UMOD: variants seen among roughly 807,000 people sequenced by gnomAD.
The protein encoded by UMOD is uromodulin.
Under a neutral mutation model 66.0 loss-of-function variants are expected in UMOD, and 64 were observed. That is an observed-to-expected ratio of 0.97 (90% CI 0.79 to 1.19). The LOEUF (loss-of-function observed/expected upper bound fraction) is 1.19, where lower values mean the gene tolerates loss of function less well. UMOD is among the 50% of genes most tolerant of loss of function. UMOD has a pLI of 0.00. For synonymous variants in UMOD, 398 were observed against 352.7 expected, an observed-to-expected ratio of 1.13 and a Z score of -1.44; for missense variants, 764 against 850.9, an observed-to-expected ratio of 0.90 and a Z score of 1.27.
rs559897230 is a variant in UMOD, at chr16:20,349,733, T to C, written c.89-521A>G. 6.2e-5 allele frequency: 95 copies of C among 1,537,292 alleles called. No individual in the cohort carries two copies. In the African/African-American group the frequency reaches 1.2e-3, roughly 19 times the overall value. On this transcript the variant is annotated intron_variant, in intron 2 of 10. Transcript: ENST00000396138. ...TTTGGTAGGATTTACGGTGAACCTG[T>C]TGCCCCTCCCTTTCTTTGCACATTT...
intron 1 of UMOD, chr16:20,351,151 G>T: frequency 7.8e-6 from 2 of 256,404 alleles, no homozygotes; most frequent in African/African-American, 2.2e-5. Context: ...AGGCAGCTTT[G>T]GATTTTAACT....
intron 7 of UMOD, among the ~76,000 whole-genome samples, chr16:20,340,493 T>TAA (rs1555485837): frequency 3.3e-4 from 31 of 92,544 alleles, no homozygotes; most frequent in African/African-American, 9.3e-4. Context: ...TATATATATA[T>TAA]AATACATAAA....
intron 6 of UMOD, 25 bp downstream of exon 6, chr16:20,343,998 GC>G (rs765213754): frequency 6.2e-7 from 1 of 1,612,456 alleles, no homozygotes. Context: ...CCATCTAGGG[GC>G]CCTAGGGACC....
At chr16:20,351,072 G>T (rs1965867912) in intron 1 of UMOD, 1 of 379,764 alleles carries the variant, frequency 2.6e-6, no homozygotes, top group African/African-American at 2.1e-5. Context: ...TGCACATTTT[G>T]AAGAACTCAG....
chr16:20,344,340 C>T (rs902291950), intron 5 of UMOD, among the ~76,000 whole-genome samples, 168 bp from the exon 6 acceptor site: 1 of 152,102 alleles, frequency 6.6e-6, no homozygotes. Context: ...CATTAGCTCA[C>T]GCTTGTAATC....
intron 10 of UMOD, among the ~76,000 whole-genome samples, chr16:20,334,283 A>G (rs917176976): frequency 6.6e-6 from 1 of 152,034 alleles, no homozygotes; most frequent in Non-Finnish European, 1.5e-5. Context: ...GGCATATAGT[A>G]TTACTCAACG....
In UMOD at chr16:20,348,512, C is replaced by T; in HGVS notation, c.789G>A (p.Gln263=). ...GHCCLWDASV[Q]VKACAGGYYV... Reference sequence around the variant, plus strand: ...AGTAGCCGCCGGCACAGGCCTTCACCTGGACGGACGCATCCCACAGGCAGC... The same window carrying T: ...AGTAGCCGCCGGCACAGGCCTTCACTTGGACGGACGCATCCCACAGGCAGC... The change falls in exon 3 of 11, where the codon CAG becomes CAA. Residue 263 remains glutamine, a synonymous_variant. Transcript: ENST00000396138. The T allele has an allele frequency of 6.2e-7, 1 of 1,608,304 alleles. No homozygotes were observed. Among genetic ancestry groups the T allele is most frequent in the Non-Finnish European group, 8.5e-7 (1 of 1,179,180 alleles).
At chr16:20,334,560 T>G (rs368936537) in intron 10 of UMOD, among the ~76,000 whole-genome samples, 2 of 152,188 alleles carry the variant, frequency 1.3e-5, no homozygotes, top group Non-Finnish European at 2.9e-5. Context: ...CATGTGATTA[T>G]CTGGGCATGC....
intron 8 of UMOD, 138 bp from the exon 9 acceptor site, chr16:20,336,865 G>C: frequency 2.7e-6 from 2 of 727,450 alleles, no homozygotes; most frequent in South Asian, 1.6e-5. Context: ...GTATACCGGG[G>C]CTCGTGCAGG....
upstream of UMOD, chr16:20,352,866 T>C: frequency 1.6e-6 from 1 of 610,916 alleles, no homozygotes; most frequent in Non-Finnish European, 2.4e-6. Context: ...GTCCAAGCTG[T>C]GAGGTTGTTG....
intron 1 of UMOD, chr16:20,351,548 A>T (rs1250354605): frequency 6.5e-6 from 1 of 153,154 alleles, no homozygotes; most frequent in African/African-American, 2.4e-5. Flanking sequence ...TAACACTGTG[A>T]TGTGGGTATT....
Position 20,348,583 on chromosome 16 carries a change from C to T in UMOD, c.718G>A (p.Glu240Lys), listed in dbSNP as rs1321919119. 2 of 1,593,148 alleles carry T rather than the reference C, an allele frequency of 1.3e-6. No individual in the cohort carries two copies. The highest frequency in any genetic ancestry group is 2.3e-5 in the East Asian group (1 of 44,192). The change falls in exon 3 of 11, where the codon GAG becomes AAG. Residue 240 changes from glutamate (E) to lysine (K), a missense_variant. Transcript: ENST00000396138. ...CAGGCCTTGCGGCTCACGATGCCCT[C>T]GTCGCTGGACGGATGCGTGCCATTG... ...WLNGTHPSSD[E>K]GIVSRKACAH...
At chr16:20,352,521 A>G in intron 1 of UMOD, 168 bp downstream of exon 1, 1 of 429,830 alleles carries the variant, frequency 2.3e-6, no homozygotes. Flanking sequence ...GAGAGGATCA[A>G]AGAGAGGAAA....
intron 3 of UMOD, 23 bp from the exon 4 acceptor site, chr16:20,348,353 A>C (rs1481006644): frequency 6.2e-7 from 1 of 1,614,200 alleles, no homozygotes; most frequent in African/African-American, 1.3e-5. Flanking sequence ...AGGGACAGAC[A>C]GACAATCAAT....
intron 10 of UMOD, 41 bp downstream of exon 10, chr16:20,335,441 G>C (rs372845854): frequency 1.2e-6 from 2 of 1,606,490 alleles, no homozygotes; most frequent in Non-Finnish European, 1.7e-6. Flanking sequence ...CCCCAGGAGA[G>C]TTCTGGAACA....
At chr16:20,337,814 A>G (rs534220493) in intron 7 of UMOD, among the ~76,000 whole-genome samples, 1 of 152,340 alleles carries the variant, frequency 6.6e-6, no homozygotes, top group East Asian at 1.9e-4. Flanking sequence ...ATTAGCTGCT[A>G]TGTGCTATCT....
chr16:20,345,436 T>TTC (rs780148763), intron 5 of UMOD, among the ~76,000 whole-genome samples: 4,508 of 60,662 alleles, frequency 0.074, 112 homozygotes, highest in African/African-American at 0.14. Flanking sequence ...TTCTCTTTCT[T>TTC]TCTTTCTTCC....
rs1200542782 is a variant in UMOD, at chr16:20,341,152, A to G, written c.1516T>C (p.Cys506Arg). 6.2e-7 allele frequency: 1 copy of G among 1,613,962 alleles called. No individual in the cohort carries two copies. The highest frequency in any genetic ancestry group is 8.5e-7 in the Non-Finnish European group (1 of 1,180,030). The change falls in exon 7 of 11, where the codon TGC becomes CGC. Residue 506 changes from cysteine to arginine, a missense_variant. Physicochemically the swap from Cys to Arg is radical, Grantham distance 180. Transcript: ENST00000396138. ...LSRFALLMTN[C>R]YATPSSNATD... ...GCATTGCTACTGGGTGTGGCATAGC[A>G]GTTGGTCATGAGCAGTGCAAATCGG...
Position 20,348,772 on chromosome 16 carries a change from G to T in UMOD, c.529C>A (p.His177Asn). ...CGCCAGTACTCGTCCAGGGTGCGGT[G>T]CGCCTGGCACGGATCCGCGCACACG... ...ALVCADPCQAHRTLDEYWRST... is the reference protein window; with the variant it reads ...ALVCADPCQANRTLDEYWRST... Residue 177 changes from histidine (H) to asparagine (N), a missense_variant, in exon 3 of 11, where the codon CAC becomes AAC. His to Asn is a moderately conservative substitution (Grantham distance 68). Coordinates refer to ENST00000396138, the MANE Select transcript of UMOD (RefSeq NM_003361.4). 1 of 1,543,568 alleles carries T rather than the reference G, an allele frequency of 6.5e-7. No homozygotes were observed.
Sources: allele counts gnomAD v4.1 joint callset (sites outside exome capture counted in the v4.1 genomes callset), GRCh38; gene constraint gnomAD v4.1.1; transcripts MANE v1.5; gene names NCBI Gene and HGNC (gene_info 2026-07-23, HGNC 2026-07-21).